The following SULT4A1 variants were observed in gnomAD, a reference collection of about 807,000 sequenced individuals.
SULT4A1 encodes sulfotransferase family 4A member 1.
In SULT4A1, 11 loss-of-function variants were observed where a neutral mutation model predicts 35.2. That is an observed-to-expected ratio of 0.31 (90% confidence interval 0.20 to 0.52). The LOEUF (loss-of-function observed/expected upper bound fraction) is 0.52. SULT4A1 is among the 20% of genes least tolerant of loss of function. The pLI, the probability that SULT4A1 is intolerant of heterozygous loss-of-function variation, is 0.97. For synonymous variants in SULT4A1, 152 were observed against 151.8 expected, an observed-to-expected ratio of 1.00 and a Z score of -0.01; for missense variants, 271 against 383.7, an observed-to-expected ratio of 0.71 and a Z score of 2.45.
intron 5 of SULT4A1, among the ~76,000 whole-genome samples, chr22:43,830,131 G>A (rs2063315345): frequency 1.3e-5 from 2 of 152,222 alleles, no homozygotes; most frequent in African/African-American, 4.8e-5. Context: ...AGGCAGGGGT[G>A]TGGTGCATCC....
At chr22:43,842,315 G>A (rs1396091434) in intron 1 of SULT4A1, among the ~76,000 whole-genome samples, 3 of 152,180 alleles carry the variant, frequency 2.0e-5, no homozygotes, top group Non-Finnish European at 4.4e-5. Flanking sequence ...TAGCCAAGAT[G>A]AGGAAATGAC....
At chr22:43,827,501 A>G in intron 6 of SULT4A1, 1 of 1,330,472 alleles carries the variant, frequency 7.5e-7, no homozygotes, top group South Asian at 1.2e-5. Flanking sequence ...AGCTCGTCAG[A>G]GGAGTCACCC....
rs1034601977 is a variant in SULT4A1 at position 43,854,921 on chromosome 22, G to A, written c.169+7293C>T. 3.3e-5 allele frequency among the ~76,000 whole-genome samples: 5 copies of A among 152,224 alleles called. No individual in the cohort carries two copies. In the East Asian group the frequency reaches 7.7e-4, roughly 23 times the overall value. On this transcript the variant is annotated intron_variant, in intron 1 of 6. Transcript: ENST00000330884. ...TGCCTGGGCAGGCCCTGAGAGAGGCGACAGTCATGAGGACTCTGGATCTGA... is the reference window on the plus strand; with the variant it reads ...TGCCTGGGCAGGCCCTGAGAGAGGCAACAGTCATGAGGACTCTGGATCTGA...
chr22:43,849,663 A>G (rs2063498349), intron 1 of SULT4A1, among the ~76,000 whole-genome samples: 1 of 152,092 alleles, frequency 6.6e-6, no homozygotes, highest in Non-Finnish European at 1.5e-5. Context: ...AGCCACTTTC[A>G]TCAGCAATAA....
chr22:43,862,382 T>TGCCGCC lies in SULT4A1; in HGVS notation c.-6_-1dup. Reference sequence around the variant, plus strand: ...GGGGTCTCGGCCTCGCTCTCCGCCATGCCGCCGCCGTCGCCGTCGCCGCCG... The same window carrying TGCCGCC: ...GGGGTCTCGGCCTCGCTCTCCGCCATGCCGCCGCCGCCGCCGTCGCCGTCGCCGCCG... On this transcript the variant is annotated 5_prime_UTR_variant, in exon 1 of 7. Coordinates refer to ENST00000330884, the MANE Select transcript of SULT4A1 (RefSeq NM_014351.4). 2 of 1,333,530 alleles carry TGCCGCC rather than the reference T, an allele frequency of 1.5e-6. No homozygotes were observed. The highest frequency in any genetic ancestry group is 2.0e-6 in the Non-Finnish European group (2 of 1,021,876). The allele number at this position is 1,333,530 out of a possible 1,614,324, so 82.6% of individuals were successfully genotyped here.
At chr22:43,857,370 CAAAAAAA>C (rs60746917) in intron 1 of SULT4A1, among the ~76,000 whole-genome samples, 2 of 93,794 alleles carry the variant, frequency 2.1e-5, no homozygotes, top group Admixed American at 1.2e-4. Flanking sequence ...GATCCTGTCT[CAAAAAAA>C]AAAAAAAAAA....
chr22:43,851,995 C>A (rs958493191), intron 1 of SULT4A1, among the ~76,000 whole-genome samples: 3 of 152,198 alleles, frequency 2.0e-5, no homozygotes, highest in Non-Finnish European at 4.4e-5. Flanking sequence ...GCCCTCCTCT[C>A]CTGCTCTGGG....
intron 1 of SULT4A1, among the ~76,000 whole-genome samples, chr22:43,856,901 T>C (rs1028948354): frequency 6.6e-6 from 1 of 152,144 alleles, no homozygotes; most frequent in African/African-American, 2.4e-5. Context: ...TAATATGCTG[T>C]GTTGAGCAGT....
intron 2 of SULT4A1, among the ~76,000 whole-genome samples, chr22:43,840,259 G>C (rs987548812): frequency 1.3e-5 from 2 of 149,440 alleles, no homozygotes. Context: ...ACCAGAGGAC[G>C]AGGGAAGGGG....
intron 1 of SULT4A1, among the ~76,000 whole-genome samples, chr22:43,845,769 C>T (rs115736235): frequency 4.6e-5 from 7 of 152,238 alleles, no homozygotes; most frequent in East Asian, 1.9e-4. Flanking sequence ...AGCGGGAACA[C>T]GAGATTCTCA....
intron 1 of SULT4A1, among the ~76,000 whole-genome samples, chr22:43,858,624 C>T (rs1239023304): frequency 6.6e-6 from 1 of 152,156 alleles, no homozygotes; most frequent in Non-Finnish European, 1.5e-5. Flanking sequence ...CTTTGTTACC[C>T]TGTGTGGTAA....
At chr22:43,826,527 C>G in intron 6 of SULT4A1, 1 of 985,420 alleles carries the variant, frequency 1.0e-6, no homozygotes, top group Non-Finnish European at 1.2e-6. Flanking sequence ...GTGCACTGCT[C>G]TGGGCATCAC....
At chr22:43,850,657 T>C (rs1183173925) in intron 1 of SULT4A1, among the ~76,000 whole-genome samples, 1 of 152,184 alleles carries the variant, frequency 6.6e-6, no homozygotes, top group Non-Finnish European at 1.5e-5. Flanking sequence ...AGGATCTTCC[T>C]GGACCTCCCC....
intron 1 of SULT4A1, among the ~76,000 whole-genome samples, chr22:43,859,886 C>T (rs761878269): frequency 6.6e-5 from 10 of 152,200 alleles, no homozygotes; most frequent in Non-Finnish European, 1.3e-4. Flanking sequence ...TGTAAGCAGC[C>T]GCCTGTGGGC....
Position 43,827,241 on chromosome 22 carries a change from G to A in SULT4A1, c.743-1128C>T, listed in dbSNP as rs973810797. 10 of 985,288 alleles carry A rather than the reference G, an allele frequency of 1.0e-5. No homozygotes were observed. The African/African-American group carries it at 1.0e-4, about 10-fold the overall frequency. The allele number at this position is 985,288 out of a possible 1,614,324, so 61.0% of individuals were successfully genotyped here. ...CCAGCAAATGTCCTTCACTAGCTCC[G>A]TTATTAACAGCGGTCCTTGTCCAGG... On this transcript the variant is annotated intron_variant, in intron 6 of 6. Coordinates refer to ENST00000330884, the MANE Select transcript of SULT4A1 (RefSeq NM_014351.4).
At chr22:43,848,581 G>C (rs923077966) in intron 1 of SULT4A1, among the ~76,000 whole-genome samples, 1 of 152,222 alleles carries the variant, frequency 6.6e-6, no homozygotes, top group African/African-American at 2.4e-5. Flanking sequence ...TGGGGGCCAC[G>C]CCTGGAGCTG....
chr22:43,862,134 C>T (rs181826322), intron 1 of SULT4A1, 80 bp downstream of exon 1: 2 of 1,184,924 alleles, frequency 1.7e-6, no homozygotes, highest in Non-Finnish European at 2.1e-6. Flanking sequence ...GCAGAAGCCC[C>T]GGGCGCGGGC....
At chr22:43,845,398 C>T (rs894363583) in intron 1 of SULT4A1, among the ~76,000 whole-genome samples, 2 of 152,218 alleles carry the variant, frequency 1.3e-5, no homozygotes, top group Non-Finnish European at 2.9e-5. Context: ...CCGCAGCATC[C>T]GCAGCCCGTC....
At chr22:43,844,233 C>T (rs2063457312) in intron 1 of SULT4A1, among the ~76,000 whole-genome samples, 1 of 152,224 alleles carries the variant, frequency 6.6e-6, no homozygotes, top group African/African-American at 2.4e-5. Flanking sequence ...CCTCCGCCCG[C>T]CAGTGGCCTG....
Sources: allele counts gnomAD v4.1 joint callset (sites outside exome capture counted in the v4.1 genomes callset), GRCh38; gene constraint gnomAD v4.1.1; transcripts MANE v1.5; gene names NCBI Gene and HGNC (gene_info 2026-07-23, HGNC 2026-07-21).